The following DLG2 variants were observed in gnomAD, a reference collection of about 807,000 sequenced individuals.
DLG2 encodes disks large homolog 2.
A neutral mutation model predicts 132.5 loss-of-function variants in DLG2; 45 were observed. The observed-to-expected ratio is 0.34, with a 90% CI of 0.27 to 0.44. The LOEUF (loss-of-function observed/expected upper bound fraction) is 0.44, where lower values mean the gene tolerates loss of function less well. Among genes scored for constraint, DLG2 ranks in the 20% least tolerant of loss-of-function variants. DLG2 has a pLI of 1.00. For missense variants in DLG2, 1,045 were observed against 1,196.9 expected (o/e 0.87, Z 1.87); for synonymous variants, 424 against 419.6 (o/e 1.01, Z -0.13).
At chr11:85,526,583 C>A (rs73499156) in intron 3 of DLG2, among the ~76,000 whole-genome samples, 26,716 of 151,958 alleles carry the variant, frequency 0.18, 2,598 homozygotes, top group East Asian at 0.28. Context: ...GGAGTTATAC[C>A]AAGAATGAAG....
At chr11:85,420,012 A>T (rs2090164592) in intron 3 of DLG2, among the ~76,000 whole-genome samples, 1 of 152,178 alleles carries the variant, frequency 6.6e-6, no homozygotes, top group Non-Finnish European at 1.5e-5. Flanking sequence ...GTGAAGAGGC[A>T]TTCTGGTTTT....
intron 11 of DLG2, among the ~76,000 whole-genome samples, chr11:84,038,232 T>G (rs2095929296): frequency 6.6e-6 from 1 of 151,764 alleles, no homozygotes; most frequent in African/African-American, 2.4e-5. Context: ...GAGAGAAAAT[T>G]CTCTCAAAAT....
intron 4 of DLG2, among the ~76,000 whole-genome samples, chr11:85,237,970 T>C (rs2075673997): frequency 6.6e-6 from 1 of 152,030 alleles, no homozygotes; most frequent in African/African-American, 2.4e-5. Flanking sequence ...ATAGTAGAGT[T>C]TGCCTATCCC....
At position 85,015,985 on chromosome 11, in the gene DLG2, A is replaced by G. The variant is rs147802871; in HGVS notation, c.357+95676T>C. 7.2e-5 allele frequency among the ~76,000 whole-genome samples: 11 copies of G among 152,260 alleles called. No homozygotes were observed. In the East Asian group the frequency reaches 2.1e-3, roughly 29 times the overall value. On this transcript the variant is annotated intron_variant, in intron 6 of 27. Coordinates refer to ENST00000376104, the MANE Select transcript of DLG2 (RefSeq NM_001142699.3). Reference sequence around the variant, plus strand: ...ACATAATGTCTACTACAAAAAAGTCAATATTTGAAAACTAGTTTTATTACA... The same window carrying G: ...ACATAATGTCTACTACAAAAAAGTCGATATTTGAAAACTAGTTTTATTACA...
intron 8 of DLG2, among the ~76,000 whole-genome samples, chr11:84,237,187 C>A (rs999712244): frequency 6.6e-6 from 1 of 152,096 alleles, no homozygotes. Flanking sequence ...CTCGGCCTCC[C>A]AAAGTCCTGG....
chr11:85,427,147 C>T (rs1009923711), intron 3 of DLG2, among the ~76,000 whole-genome samples: 3 of 152,084 alleles, frequency 2.0e-5, no homozygotes, highest in Admixed American at 6.6e-5. Context: ...AAATCTACAT[C>T]GATTGGTGTA....
chr11:84,416,871 G>A (rs1350600749), intron 7 of DLG2, among the ~76,000 whole-genome samples: 4 of 152,104 alleles, frequency 2.6e-5, no homozygotes, highest in Non-Finnish European at 5.9e-5. Flanking sequence ...AGAAATAATG[G>A]AATGAAACTA....
At chr11:85,246,554 C>G (rs956281762) in intron 4 of DLG2, among the ~76,000 whole-genome samples, 2 of 151,322 alleles carry the variant, frequency 1.3e-5, no homozygotes, top group Non-Finnish European at 3.0e-5. Flanking sequence ...CACCCCCTCC[C>G]TCCAGCCACA....
intron 7 of DLG2, among the ~76,000 whole-genome samples, chr11:84,391,257 T>A (rs570189054): frequency 5.3e-5 from 8 of 152,242 alleles, no homozygotes; most frequent in African/African-American, 1.7e-4. Context: ...TATTATTAAG[T>A]GACAAAAAAT....
At chr11:84,797,728 T>C (rs1195289510) in intron 6 of DLG2, among the ~76,000 whole-genome samples, 2 of 152,226 alleles carry the variant, frequency 1.3e-5, no homozygotes, top group African/African-American at 4.8e-5. Flanking sequence ...CACTGGTGTT[T>C]TGTTCAAGTC....
intron 6 of DLG2, among the ~76,000 whole-genome samples, chr11:84,832,041 A>G (rs2079117126): frequency 1.3e-5 from 2 of 151,694 alleles, no homozygotes; most frequent in African/African-American, 4.8e-5. Context: ...CCATAGGCAC[A>G]GGAAAAGCAA....
intron 18 of DLG2, among the ~76,000 whole-genome samples, chr11:83,676,620 G>C (rs909590976): frequency 6.6e-6 from 1 of 152,206 alleles, no homozygotes; most frequent in African/African-American, 2.4e-5. Flanking sequence ...CCGCCTGTGA[G>C]ACAGGAATTG....
chr11:84,751,724 A>ATAAG (rs1296346264), intron 6 of DLG2, among the ~76,000 whole-genome samples: 1 of 152,242 alleles, frequency 6.6e-6, no homozygotes, highest in Non-Finnish European at 1.5e-5. Flanking sequence ...TTTTAAGTAA[A>ATAAG]TAAGTGCTTA....
chr11:83,923,651 C>A (rs940146962), intron 15 of DLG2, among the ~76,000 whole-genome samples: 1 of 152,134 alleles, frequency 6.6e-6, no homozygotes, highest in Admixed American at 6.6e-5. Context: ...CCAGAAAATT[C>A]TTCCCCTGAG....
At chr11:84,773,661 T>G (rs1321563062) in intron 6 of DLG2, among the ~76,000 whole-genome samples, 1 of 151,970 alleles carries the variant, frequency 6.6e-6, no homozygotes, top group Non-Finnish European at 1.5e-5. Flanking sequence ...ATAAATGTGA[T>G]TCACATAAAC....
chr11:83,968,952 C>T (rs1592051275), intron 12 of DLG2, among the ~76,000 whole-genome samples: 1 of 152,054 alleles, frequency 6.6e-6, no homozygotes, highest in Admixed American at 6.6e-5. Context: ...ATAATGGCAG[C>T]CCTTAATAAT....
chr11:85,582,874 T>C (rs1425502328), intron 3 of DLG2, among the ~76,000 whole-genome samples: 1 of 149,416 alleles, frequency 6.7e-6, no homozygotes, highest in Non-Finnish European at 1.5e-5. Context: ...TTGTAAGGAC[T>C]GGCATACCCT....
At chr11:85,324,641 G>GA (rs950414428) in intron 3 of DLG2, among the ~76,000 whole-genome samples, 1 of 152,128 alleles carries the variant, frequency 6.6e-6, no homozygotes, top group African/African-American at 2.4e-5. Flanking sequence ...GCTGCCTACA[G>GA]AAAAAAGCTA....
intron 6 of DLG2, among the ~76,000 whole-genome samples, chr11:84,806,519 G>T (rs1160968271): frequency 1.3e-5 from 2 of 152,150 alleles, no homozygotes; most frequent in African/African-American, 4.8e-5. Context: ...AGGTTATATG[G>T]AAGTGATACA....
Sources: allele counts gnomAD v4.1 joint callset (sites outside exome capture counted in the v4.1 genomes callset), GRCh38; gene constraint gnomAD v4.1.1; transcripts MANE v1.5; gene names NCBI Gene and HGNC (gene_info 2026-07-23, HGNC 2026-07-21).